Variants in ERCC4 observed in about 807,000 individuals in gnomAD.
The protein encoded by ERCC4 is ERCC excision repair 4, endonuclease catalytic subunit, also known as DNA repair endonuclease XPF.
ERCC4 carries 65 observed loss-of-function variants against 76.9 expected under a neutral mutation model. The ratio of observed to expected loss-of-function variants is 0.84; its 90% CI spans 0.69 to 1.04. ERCC4 has a LOEUF of 1.04. ERCC4 is among the 50% of genes least tolerant of loss of function. The pLI, the probability that ERCC4 is intolerant of heterozygous loss-of-function variation, is 0.00. For missense variants in ERCC4, 1,214 were observed against 1,128.2 expected, an observed-to-expected ratio of 1.08 and a Z score of -1.09; for synonymous variants, 463 against 410.1, an observed-to-expected ratio of 1.13 and a Z score of -1.56.
At chr16:13,933,045 C>CAAA (rs11337706) in intron 6 of ERCC4, 2,702 of 216,796 alleles carry the variant, frequency 0.012, 39 homozygotes, top group African/African-American at 0.064. Flanking sequence ...GACTCGGTCT[C>CAAA]AAAAAAAAAA....
intron 1 of ERCC4, among the ~76,000 whole-genome samples, chr16:13,921,508 T>C (rs1177892393): frequency 6.6e-6 from 1 of 152,138 alleles, no homozygotes; most frequent in Admixed American, 6.5e-5. Context: ...GTGCTTGGCA[T>C]AGGGCCTAAG....
chr16:13,928,245 T>C lies in ERCC4; in HGVS notation c.792+10T>C, dbSNP rs749985423. The C allele has an allele frequency of 6.4e-7, 1 of 1,563,298 alleles. No homozygotes were observed. The highest frequency in any genetic ancestry group is 1.1e-5 in the South Asian group (1 of 90,044). ...AAAACCTTTTGACAAGGTACTCTTT[T>C]TCCTTTTAAGCACAGTTTATTATGT... is the stretch of plus-strand genomic sequence containing the variant. On this transcript the variant is annotated intron_variant, in intron 4 of 10. Transcript: ENST00000311895.
intron 9 of ERCC4, chr16:13,944,203 A>G (rs2032471907): frequency 6.4e-6 from 1 of 156,322 alleles, no homozygotes; most frequent in African/African-American, 2.4e-5. Flanking sequence ...CTTGATCTTG[A>G]TTTTCCTTTA....
At chr16:13,940,697 C>T (rs570340889) in intron 9 of ERCC4, among the ~76,000 whole-genome samples, 30 of 152,348 alleles carry the variant, frequency 2.0e-4, no homozygotes, top group African/African-American at 6.5e-4. Context: ...TAAATCACAT[C>T]GTCAGCATAA....
chr16:13,920,369 G>A lies in ERCC4; in HGVS notation c.204G>A (p.Glu68=). The A allele has an allele frequency of 6.4e-7, 1 of 1,574,016 alleles. No individual in the cohort carries two copies. The highest frequency in any genetic ancestry group is 1.3e-5 in the African/African-American group (1 of 74,352). ...LVLVLNTQPA[E]EEYFINQLKI... is the part of the protein sequence containing the mutation. ...TGGTGCTCAACACGCAGCCGGCCGA[G>A]GAGGTGCGGCCGCGCTGGCGCGGGA... Residue 68 remains glutamate, a synonymous_variant, in exon 1 of 11, where the codon GAG becomes GAA. Transcript: ENST00000311895.
At chr16:13,931,463 G>C (rs942700474) in intron 5 of ERCC4, 19 of 157,970 alleles carry the variant, frequency 1.2e-4, no homozygotes, top group African/African-American at 4.6e-4. Flanking sequence ...ACATTCTTAA[G>C]TGATGAACTG....
chr16:13,932,100 A>C (rs1388407030), intron 5 of ERCC4, 57 bp from the exon 6 acceptor site: 8 of 1,463,430 alleles, frequency 5.5e-6, no homozygotes, highest in Non-Finnish European at 7.6e-6. Flanking sequence ...ACCATCAGAG[A>C]CTGTTTTAAA....
rs775452814 is a variant in ERCC4, at chr16:13,947,970, ACACTTCACTTC to A, written c.2376_2386del (p.Leu793GlnfsTer18). ...CATTAGTTCCAAACTCACTCTTCTT[ACACTTCACTTC>A]CCCAGACTACGGATTCTCTGGTGCC... On this transcript the variant is annotated frameshift_variant, in exon 11 of 11. Coordinates refer to ENST00000311895, the MANE Select transcript of ERCC4 (RefSeq NM_005236.3). LOFTEE classifies it low-confidence loss of function (END_TRUNC). 6 of 1,614,002 alleles carry A rather than the reference ACACTTCACTTC, an allele frequency of 3.7e-6. No homozygotes were observed. The highest frequency in any genetic ancestry group is 5.1e-6 in the Non-Finnish European group (6 of 1,180,016).
At chr16:13,943,493 A>T (rs1362763333) in intron 9 of ERCC4, among the ~76,000 whole-genome samples, 1 of 152,198 alleles carries the variant, frequency 6.6e-6, no homozygotes. Context: ...CTATCATGAG[A>T]ATAACATGGG....
rs112392102 is a variant in ERCC4 at position 13,931,543 on chromosome 16, C to T, written c.974-614C>T. On this transcript the variant is annotated intron_variant, in intron 5 of 10. Coordinates refer to ENST00000311895, the MANE Select transcript of ERCC4 (RefSeq NM_005236.3). ...CATGGCACTGCCTTGGTTCATGCTA[C>T]GGCACCAGCATGTACAATTATGGAG... 9.7e-3 allele frequency: 1,513 copies of T among 156,290 alleles called. 28 individuals carry two copies. Among genetic ancestry groups the T allele is most frequent in the African/African-American group, 0.033 (1,391 of 41,572 alleles). The allele number at this position is 156,290 out of a possible 1,614,324, so 9.7% of individuals were successfully genotyped here. A position where few individuals can be genotyped will look rare whatever the true frequency, so the allele number is the denominator to read the frequency against.
chr16:13,951,390 GA>G lies in ERCC4; in HGVS notation c.*3044del, dbSNP rs1438787885. 13 of 199,248 alleles carry G rather than the reference GA, an allele frequency of 6.5e-5. No individual in the cohort carries two copies. The highest frequency in any genetic ancestry group is 1.1e-4 in the Non-Finnish European group (11 of 96,556). The allele number at this position is 199,248 out of a possible 1,614,324, so 12.3% of individuals were successfully genotyped here. On this transcript the variant is annotated 3_prime_UTR_variant, in exon 11 of 11. Transcript: ENST00000311895. Reference sequence around the variant, plus strand: ...TTTTTGTATAAAAAGGTGAACATATGAGATATTGTGAGAAATCATTTTAAGT... The same window carrying G: ...TTTTTGTATAAAAAGGTGAACATATGGATATTGTGAGAAATCATTTTAAGT...
At chr16:13,921,039 A>C (rs935569190) in intron 1 of ERCC4, among the ~76,000 whole-genome samples, 1 of 152,148 alleles carries the variant, frequency 6.6e-6, no homozygotes, top group African/African-American at 2.4e-5. Context: ...GAATAACGGG[A>C]GAGTCCTGAA....
Position 13,950,785 on chromosome 16 carries a change from C to T in ERCC4, c.*2438C>T, listed in dbSNP as rs1351429641. On this transcript the variant is annotated 3_prime_UTR_variant, in exon 11 of 11. Transcript: ENST00000311895. ...ATATAAAAGGAACATCTTCCCATAG[C>T]ATATTCTATGAAAGGGGTTTCATTC... The T allele has an allele frequency of 1.0e-5, 2 of 193,462 alleles. No homozygotes were observed. 12.0% of individuals were successfully genotyped at this position (193,462 alleles called of 1,614,324 possible).
chr16:13,924,040 G>A (rs949218684), intron 2 of ERCC4, among the ~76,000 whole-genome samples: 5 of 152,148 alleles, frequency 3.3e-5, no homozygotes, highest in African/African-American at 1.2e-4. Context: ...TCTGATCAAA[G>A]CCCACCGAAT....
At chr16:13,945,668 G>A (rs894025640) in intron 10 of ERCC4, among the ~76,000 whole-genome samples, 1 of 152,134 alleles carries the variant, frequency 6.6e-6, no homozygotes, top group Non-Finnish European at 1.5e-5. Context: ...CCAGCAGCTC[G>A]GGGGCTTCTG....
In ERCC4 at chr16:13,935,566, G is replaced by C; in HGVS notation, c.1634G>C (p.Gly545Ala). 2 of 1,614,152 alleles carry C rather than the reference G, an allele frequency of 1.2e-6. No individual in the cohort carries two copies. Among genetic ancestry groups the C allele is most frequent in the Non-Finnish European group, 1.7e-6 (2 of 1,180,026 alleles). The change falls in exon 8 of 11, where the codon GGA (glycine) becomes GCA (alanine). Residue 545 changes from glycine to alanine, a missense_variant. Coordinates refer to ENST00000311895, the MANE Select transcript of ERCC4 (RefSeq NM_005236.3). ...DVNLSSDAAFGILKEPLTIIH... is the reference protein window; with the variant it reads ...DVNLSSDAAFAILKEPLTIIH... ...AATTTGTCATCGGATGCTGCTTTCGGAATCCTGAAAGAACCCCTCACTATC... is the reference window on the plus strand; with the variant it reads ...AATTTGTCATCGGATGCTGCTTTCGCAATCCTGAAAGAACCCCTCACTATC...
At chr16:13,934,077 T>C in intron 6 of ERCC4, 115 bp from the exon 7 acceptor site, 1 of 656,684 alleles carries the variant, frequency 1.5e-6, no homozygotes, top group South Asian at 1.8e-5. Context: ...TAAAGAAAGC[T>C]TAAATAAATG....
chr16:13,932,095 C>A, intron 5 of ERCC4, 62 bp from the exon 6 acceptor site: 2 of 1,428,020 alleles, frequency 1.4e-6, no homozygotes, highest in Non-Finnish European at 9.9e-7. Flanking sequence ...ATGTGACCAT[C>A]AGAGACTGTT....
chr16:13,928,642 G>C (rs2032114895), intron 4 of ERCC4, among the ~76,000 whole-genome samples: 1 of 152,124 alleles, frequency 6.6e-6, no homozygotes, highest in Non-Finnish European at 1.5e-5. Flanking sequence ...CATTACTGAG[G>C]AGTGTGAAAC....
Sources: gnomAD v4.1 joint callset for allele counts (sites outside exome capture counted in the v4.1 genomes callset) on GRCh38, gnomAD v4.1.1 for gene constraint, MANE v1.5 for transcripts, NCBI Gene and HGNC (gene_info 2026-07-23, HGNC 2026-07-21) for gene names.